Variants in TNS3 observed in about 807,000 individuals in gnomAD.
TNS3 encodes tensin 3, also known as tensin-3.
Under a neutral mutation model 140.9 loss-of-function variants are expected in TNS3, and 45 were observed. The ratio of observed to expected loss-of-function variants is 0.32; its 90% confidence interval spans 0.25 to 0.41. TNS3 has a LOEUF of 0.41. Among genes scored for constraint, TNS3 ranks in the 10% least tolerant of loss-of-function variants. TNS3 has a pLI of 1.00. For synonymous variants in TNS3, 815 were observed against 788.4 expected, an observed-to-expected ratio of 1.03 and a Z score of -0.56; for missense variants, 1,716 against 1,906.7, an observed-to-expected ratio of 0.90 and a Z score of 1.86.
In TNS3 at chr7:47,429,399, G is replaced by A. The variant is rs186184546; in HGVS notation, c.325-1023C>T. 1.8e-4 allele frequency among the ~76,000 whole-genome samples: 28 copies of A among 151,718 alleles called. No homozygotes were observed. In the East Asian group the frequency reaches 3.9e-3, roughly 21 times the overall value. On this transcript the variant is annotated intron_variant, in intron 8 of 30. Transcript: ENST00000311160. The stretch of plus-strand genomic sequence containing the variant: ...TTTTTTTTTGGAGACGGAGTCTCAC[G>A]CTCTGTCCCCCAGGCTGGAGTGCAG...
chr7:47,422,708 A>C (rs1053629602), intron 10 of TNS3, among the ~76,000 whole-genome samples: 1 of 152,162 alleles, frequency 6.6e-6, no homozygotes, highest in African/African-American at 2.4e-5. Flanking sequence ...TGGTGCCGTA[A>C]GAAATAAGAA....
intron 1 of TNS3, among the ~76,000 whole-genome samples, chr7:47,533,786 G>C (rs977984931): frequency 1.3e-4 from 20 of 152,048 alleles, no homozygotes; most frequent in African/African-American, 4.6e-4. Context: ...TTTATAAGGG[G>C]GAGTTCCTCT....
At chr7:47,294,278 G>A (rs1311415918) in intron 24 of TNS3, among the ~76,000 whole-genome samples, 2 of 152,228 alleles carry the variant, frequency 1.3e-5, no homozygotes, top group Non-Finnish European at 2.9e-5. Flanking sequence ...TCTTCTGGGT[G>A]GGATTTAACC....
In TNS3 at chr7:47,293,890, TAGAG is replaced by T; in HGVS notation, c.3677-66_3677-63del. The T allele has an allele frequency of 1.4e-6, 2 of 1,480,680 alleles. 1 individual carries two copies. Among genetic ancestry groups the T allele is most frequent in the East Asian group, 4.5e-5 (2 of 44,154 alleles). The allele number at this position is 1,480,680 out of a possible 1,614,324, so 91.7% of individuals were successfully genotyped here. ...AAAATGGGAGCATGGGAGAATTCAA[TAGAG>T]AGAACATAAAAGCCAGGAGCTACAG... On this transcript the variant is annotated intron_variant, in intron 24 of 30. Transcript: ENST00000311160.
intron 16 of TNS3, among the ~76,000 whole-genome samples, chr7:47,391,768 G>A (rs139466138): frequency 6.6e-6 from 1 of 152,144 alleles, no homozygotes; most frequent in Admixed American, 6.5e-5. Flanking sequence ...GATCCTGAAA[G>A]AGCAGGTACA....
chr7:47,488,985 A>G (rs1797712744), intron 3 of TNS3, among the ~76,000 whole-genome samples: 2 of 152,250 alleles, frequency 1.3e-5, no homozygotes. Flanking sequence ...AGGACATTCG[A>G]GACTTTATTA....
chr7:47,445,580 C>T (rs1460020727), intron 4 of TNS3, among the ~76,000 whole-genome samples: 8 of 152,118 alleles, frequency 5.3e-5, no homozygotes, highest in South Asian at 2.1e-4. Context: ...GTTCTAGCCC[C>T]GTGCCAAAAA....
At chr7:47,378,466 T>C (rs1202235208) in intron 16 of TNS3, among the ~76,000 whole-genome samples, 2 of 152,184 alleles carry the variant, frequency 1.3e-5, no homozygotes, top group Non-Finnish European at 2.9e-5. Context: ...TTGCTAACCA[T>C]CCACCCAGTG....
rs559420112 is a variant in TNS3, at chr7:47,283,807, C to T, written c.3987G>A (p.Ala1329=). The change falls in exon 28 of 31, where the codon GCG becomes GCA. Residue 1329 remains alanine (A), a synonymous_variant. Transcript: ENST00000311160. ...VEMESLTGHQ[A]IQKALSITLV... The stretch of plus-strand genomic sequence containing the variant: ...GGGTGATGCTCAGGGCCTTCTGGAT[C>T]GCCTGGTGGCCGGTGAGGGACTCCA... The T allele has an allele frequency of 7.4e-6, 12 of 1,611,722 alleles. No homozygotes were observed. The African/African-American group carries it at 8.0e-5, about 11-fold the overall frequency.
intron 1 of TNS3, among the ~76,000 whole-genome samples, chr7:47,531,902 C>A (rs62448397): frequency 1.5e-3 from 227 of 152,322 alleles, no homozygotes; most frequent in Non-Finnish European, 2.9e-3. Context: ...CGGGGTGCAG[C>A]TGCAGCCACC....
chr7:47,376,115 T>C (rs1014834266), intron 16 of TNS3, among the ~76,000 whole-genome samples: 1 of 152,212 alleles, frequency 6.6e-6, no homozygotes, highest in Admixed American at 6.5e-5. Context: ...CTTGCTATGA[T>C]TGCTAGTCAT....
Position 47,391,376 on chromosome 7 carries a change from T to C in TNS3, c.1024+5424A>G, listed in dbSNP as rs78668099. Among the ~76,000 whole-genome samples, 3,345 of 152,276 alleles carry C rather than the reference T, an allele frequency of 0.022. 308 individuals carry two copies. In the East Asian group the frequency reaches 0.24, roughly 11 times the overall value. ...TGCGCCCACCCCAGCATCAGAGCCA[T>C]GGCAATTCCCAAGAAAATATGAGAT... On this transcript the variant is annotated intron_variant, in intron 16 of 30. Transcript: ENST00000311160.
chr7:47,506,831 G>GC (rs1562814406), intron 3 of TNS3, 76 bp downstream of exon 3: 22 of 1,130,092 alleles, frequency 1.9e-5, no homozygotes, highest in Middle Eastern at 2.3e-4. Flanking sequence ...GTCCAAAGAG[G>GC]CCCCCCCACA....
chr7:47,450,407 G>A (rs1391052811), intron 4 of TNS3, among the ~76,000 whole-genome samples: 1 of 152,248 alleles, frequency 6.6e-6, no homozygotes, highest in African/African-American at 2.4e-5. Context: ...AGCTAACAGT[G>A]TGACTTGGAT....
intron 8 of TNS3, among the ~76,000 whole-genome samples, chr7:47,430,732 T>C (rs1007512734): frequency 1.3e-5 from 2 of 151,922 alleles, no homozygotes; most frequent in East Asian, 1.9e-4. Context: ...TTTTTCTTTT[T>C]TTTTTTTTAA....
chr7:47,335,948 C>T (rs565916963), intron 20 of TNS3, among the ~76,000 whole-genome samples: 1 of 152,214 alleles, frequency 6.6e-6, no homozygotes, highest in East Asian at 1.9e-4. Flanking sequence ...GAGGACCCAC[C>T]AGACACCACT....
At chr7:47,500,293 C>G (rs1798163174) in intron 3 of TNS3, among the ~76,000 whole-genome samples, 1 of 152,204 alleles carries the variant, frequency 6.6e-6, no homozygotes, top group Non-Finnish European at 1.5e-5. Context: ...AAATTAACTG[C>G]CTCCGCCCTT....
intron 20 of TNS3, among the ~76,000 whole-genome samples, chr7:47,341,211 G>C (rs1486515725): frequency 6.6e-6 from 1 of 152,046 alleles, no homozygotes; most frequent in Non-Finnish European, 1.5e-5. Flanking sequence ...TTCTTTTTCT[G>C]TTCTTTTTGC....
intron 4 of TNS3, among the ~76,000 whole-genome samples, chr7:47,449,766 C>T (rs897708621): frequency 1.3e-5 from 2 of 152,112 alleles, no homozygotes; most frequent in Admixed American, 6.5e-5. Context: ...CCACCACACC[C>T]GGCTAATTTT....
Sources: allele counts gnomAD v4.1 joint callset (sites outside exome capture counted in the v4.1 genomes callset), GRCh38; gene constraint gnomAD v4.1.1; transcripts MANE v1.5; gene names NCBI Gene and HGNC (gene_info 2026-07-23, HGNC 2026-07-21).